Variants in KTN1 observed in about 807,000 individuals in gnomAD.
KTN1 encodes the protein kinectin.
KTN1 carries 130 observed loss-of-function variants against 222.5 expected under a neutral mutation model. The ratio of observed to expected loss-of-function variants is 0.58; its 90% CI spans 0.51 to 0.68. The LOEUF is 0.68. Among genes scored for constraint, KTN1 ranks in the 30% least tolerant of loss-of-function variants. KTN1 has a pLI of 0.00. For synonymous variants in KTN1, 512 were observed against 496.3 expected, an observed-to-expected ratio of 1.03 and a Z score of -0.42; for missense variants, 1,508 against 1,500.4, an observed-to-expected ratio of 1.01 and a Z score of -0.08.
chr14:55,616,831 GA>G (rs1213621902), intron 3 of KTN1, among the ~76,000 whole-genome samples, 177 bp downstream of exon 3: 18 of 152,270 alleles, frequency 1.2e-4, no homozygotes, highest in African/African-American at 4.3e-4. Context: ...CGCTTTGACA[GA>G]TGGGCAGGGT....
intron 29 of KTN1, among the ~76,000 whole-genome samples, chr14:55,657,112 C>T (rs1385650352): frequency 1.3e-5 from 2 of 152,110 alleles, no homozygotes. Context: ...TACCACATTC[C>T]TTCTCCCTCT....
rs143305233 is a variant in KTN1, at chr14:55,599,441, G to A, written c.-30-12578G>A. Among the ~76,000 whole-genome samples the A allele has an allele frequency of 7.2e-5, 11 of 152,184 alleles. No homozygotes were observed. The East Asian group carries it at 1.7e-3, about 24-fold the overall frequency. ...TCCCAAGAGTTTTTCCTGAGTCCCAGGGCTTTTGTGGCCATTGAGCCATTT... is the reference window on the plus strand; with the variant it reads ...TCCCAAGAGTTTTTCCTGAGTCCCAAGGCTTTTGTGGCCATTGAGCCATTT... On this transcript the variant is annotated intron_variant, in intron 1 of 43. Coordinates refer to ENST00000395314, the MANE Select transcript of KTN1 (RefSeq NM_001079521.2).
At chr14:55,603,358 C>T (rs1329366917) in intron 1 of KTN1, among the ~76,000 whole-genome samples, 2 of 152,196 alleles carry the variant, frequency 1.3e-5, no homozygotes, top group African/African-American at 2.4e-5. Context: ...AGGTTTTGAT[C>T]ACCACTACTC....
intron 1 of KTN1, among the ~76,000 whole-genome samples, chr14:55,589,747 C>A (rs2033763168): frequency 6.6e-6 from 1 of 151,212 alleles, no homozygotes; most frequent in South Asian, 2.1e-4. Context: ...CAACCTCCGC[C>A]TCCCAGGTTC....
chr14:55,637,047 CG>C (rs1476375757), intron 10 of KTN1, 150 bp from the exon 11 acceptor site: 1 of 519,726 alleles, frequency 1.9e-6, no homozygotes, highest in African/African-American at 1.9e-5. Flanking sequence ...TCCCATGAAA[CG>C]CAAGTATAGC....
chr14:55,643,658 ACTT>A (rs1352018382), intron 18 of KTN1, among the ~76,000 whole-genome samples: 1 of 152,156 alleles, frequency 6.6e-6, no homozygotes, highest in Non-Finnish European at 1.5e-5. Flanking sequence ...TAAACAGAAA[ACTT>A]CTGTTCTTTG....
At chr14:55,589,646 C>A (rs2033718184) in intron 1 of KTN1, among the ~76,000 whole-genome samples, 2 of 145,514 alleles carry the variant, frequency 1.4e-5, no homozygotes, top group East Asian at 2.1e-4. Context: ...TTACTATATT[C>A]ATCTGATTTC....
chr14:55,614,798 A>T (rs915353084), intron 2 of KTN1, among the ~76,000 whole-genome samples: 1 of 152,224 alleles, frequency 6.6e-6, no homozygotes, highest in Admixed American at 6.5e-5. Flanking sequence ...CCCTTTGCAG[A>T]AAAAGTTTGC....
Position 55,675,935 on chromosome 14 carries a change from C to T in KTN1, c.3855+17C>T. On this transcript the variant is annotated intron_variant, in intron 41 of 43. Transcript: ENST00000395314. ...TTGCATAAGGTAGGCACTGTTCGTC[C>T]TAGAGATGTAGTATCATGAGCCTGT... 1 of 1,565,450 alleles carries T rather than the reference C, an allele frequency of 6.4e-7. No homozygotes were observed. The highest frequency in any genetic ancestry group is 8.8e-7 in the Non-Finnish European group (1 of 1,137,138).
intron 28 of KTN1, 149 bp downstream of exon 28, chr14:55,653,745 TCTGTTGGGTAAAATA>T: frequency 1.8e-6 from 1 of 553,836 alleles, no homozygotes; most frequent in South Asian, 3.2e-5. Context: ...AGGCTAAGTC[TCTGTTGGGTAAAATA>T]AAGGTTATTT....
chr14:55,585,856 C>T (rs139900989), intron 1 of KTN1, among the ~76,000 whole-genome samples: 3,943 of 152,162 alleles, frequency 0.026, 74 homozygotes, highest in Middle Eastern at 0.095. Context: ...CCATAGGGGC[C>T]GTAGGATCAT....
At position 55,675,859 on chromosome 14, in the gene KTN1, C is replaced by G. The variant is rs772358217; in HGVS notation, c.3796C>G (p.Leu1266Val). 3 of 1,612,414 alleles carry G rather than the reference C, an allele frequency of 1.9e-6. No individual in the cohort carries two copies. Among genetic ancestry groups the G allele is most frequent in the Non-Finnish European group, 2.5e-6 (3 of 1,178,626 alleles). Residue 1266 changes from leucine (L) to valine (V), a missense_variant, in exon 41 of 44, where the codon CTC (leucine) becomes GTC (valine). By Grantham distance (32) the Leu-to-Val change is conservative. Transcript: ENST00000395314. ...GTTGAAGGCACAGTTAAATGAAACA[C>G]TCACAAAACTTAGAACTGAACAAAA... ...NLLKAQLNETLTKLRTEQNER... is the reference protein window; with the variant it reads ...NLLKAQLNETVTKLRTEQNER...
chr14:55,603,514 C>T (rs999500761), intron 1 of KTN1, among the ~76,000 whole-genome samples: 1 of 152,116 alleles, frequency 6.6e-6, no homozygotes, highest in Non-Finnish European at 1.5e-5. Context: ...ATCTGGCGTC[C>T]GGGACAGCAA....
At position 55,618,134 on chromosome 14, in the gene KTN1, G is replaced by T; in HGVS notation, c.832G>T (p.Glu278Ter). 6.2e-7 allele frequency: 1 copy of T among 1,606,098 alleles called. No homozygotes were observed. Reference sequence around the variant, plus strand: ...AAAACTGAAGACCGAAACTGACAAAGGTAATATATGGGATTTATAGTCTTT... The same window carrying T: ...AAAACTGAAGACCGAAACTGACAAATGTAATATATGGGATTTATAGTCTTT... ...TKKLKTETDK[E>*]NAEVKFKDFL... is the part of the protein sequence containing the mutation. Residue 278 changes from glutamate (E) to a stop codon, truncating the protein, a stop_gained and splice_region_variant, in exon 4 of 44, where the codon GAA becomes TAA. Coordinates refer to ENST00000395314, the MANE Select transcript of KTN1 (RefSeq NM_001079521.2). LOFTEE classifies it high-confidence loss of function.
At chr14:55,652,392 C>A (rs1595119642) in intron 25 of KTN1, among the ~76,000 whole-genome samples, 2 of 144,708 alleles carry the variant, frequency 1.4e-5, no homozygotes, top group Non-Finnish European at 1.5e-5. Flanking sequence ...ATCTTAAATG[C>A]CTTTTTTTTT....
At chr14:55,618,663 A>T (rs941514261) in intron 4 of KTN1, among the ~76,000 whole-genome samples, 1 of 152,192 alleles carries the variant, frequency 6.6e-6, no homozygotes, top group South Asian at 2.1e-4. Flanking sequence ...TGGGTGGGTC[A>T]GGAGGTGCTT....
chr14:55,629,092 C>T (rs542525097), intron 6 of KTN1, among the ~76,000 whole-genome samples: 6 of 152,144 alleles, frequency 3.9e-5, no homozygotes, highest in East Asian at 3.9e-4. Flanking sequence ...TTCATAGTAC[C>T]GGCAAAACAA....
intron 1 of KTN1, among the ~76,000 whole-genome samples, chr14:55,580,711 G>C (rs2031252721): frequency 6.6e-6 from 1 of 152,124 alleles, no homozygotes; most frequent in African/African-American, 2.4e-5. Flanking sequence ...GCGGGCCCTG[G>C]GGTGACCGAG....
chr14:55,666,535 A>G (rs2044768057), intron 33 of KTN1, among the ~76,000 whole-genome samples: 1 of 151,728 alleles, frequency 6.6e-6, no homozygotes, highest in Non-Finnish European at 1.5e-5. Flanking sequence ...ATTGATATCC[A>G]TTAGACTTGG....
Sources: allele counts gnomAD v4.1 joint callset (sites outside exome capture counted in the v4.1 genomes callset), GRCh38; gene constraint gnomAD v4.1.1; transcripts MANE v1.5; gene names NCBI Gene and HGNC (gene_info 2026-07-23, HGNC 2026-07-21).